Variants in NCAM2 observed in about 807,000 individuals in gnomAD.
The protein encoded by NCAM2 is N-CAM-2.
Under a neutral mutation model 98.1 loss-of-function variants are expected in NCAM2, and 30 were observed. The ratio of observed to expected loss-of-function variants is 0.31; its 90% confidence interval spans 0.23 to 0.41. NCAM2 has a LOEUF of 0.41. Ranked by LOEUF, NCAM2 falls within the 10% of genes least tolerant of loss-of-function variation. NCAM2 has a pLI of 1.00. For synonymous variants in NCAM2, 368 were observed against 342.4 expected, an observed-to-expected ratio of 1.07 and a Z score of -0.83; for missense variants, 867 against 1,005.8, an observed-to-expected ratio of 0.86 and a Z score of 1.87.
At chr21:21,230,770 G>A (rs922453479) in intron 1 of NCAM2, among the ~76,000 whole-genome samples, 10 of 151,230 alleles carry the variant, frequency 6.6e-5, no homozygotes, top group African/African-American at 1.2e-4. Context: ...TGAGTATTCC[G>A]TTTAAGGGCT....
intron 1 of NCAM2, among the ~76,000 whole-genome samples, chr21:21,052,592 C>A (rs924474759): frequency 6.6e-6 from 1 of 152,064 alleles, no homozygotes; most frequent in African/African-American, 2.4e-5. Context: ...CATTCAAAAT[C>A]ATCTCTTTCT....
At chr21:21,435,457 C>A (rs1978299519) in intron 12 of NCAM2, among the ~76,000 whole-genome samples, 1 of 152,070 alleles carries the variant, frequency 6.6e-6, no homozygotes, top group Admixed American at 6.6e-5. Flanking sequence ...GGAAGACTTA[C>A]TAGTTTCATC....
At chr21:21,083,732 C>A (rs535618027) in intron 1 of NCAM2, among the ~76,000 whole-genome samples, 1 of 152,120 alleles carries the variant, frequency 6.6e-6, no homozygotes, top group Non-Finnish European at 1.5e-5. Flanking sequence ...TTTTAAAATT[C>A]TATTTTTTGA....
intron 1 of NCAM2, among the ~76,000 whole-genome samples, chr21:21,085,504 G>A: frequency 6.6e-6 from 1 of 151,962 alleles, no homozygotes; most frequent in East Asian, 1.9e-4. Flanking sequence ...CTTCTCACTT[G>A]TCCAGCTGGG....
chr21:21,071,647 C>T (rs1281434368), intron 1 of NCAM2, among the ~76,000 whole-genome samples: 1 of 152,022 alleles, frequency 6.6e-6, no homozygotes, highest in Non-Finnish European at 1.5e-5. Context: ...ATAATTTATG[C>T]CATCCGTCAT....
At chr21:21,130,351 A>T (rs992120127) in intron 1 of NCAM2, among the ~76,000 whole-genome samples, 3 of 152,144 alleles carry the variant, frequency 2.0e-5, no homozygotes, top group Non-Finnish European at 2.9e-5. Context: ...AATGTAGTTA[A>T]TAAAATATTT....
At chr21:21,459,751 G>T (rs1056660577) in intron 12 of NCAM2, among the ~76,000 whole-genome samples, 3 of 151,532 alleles carry the variant, frequency 2.0e-5, no homozygotes, top group Non-Finnish European at 4.4e-5. Context: ...AAGAAATGTT[G>T]GTCAAGGGAT....
intron 1 of NCAM2, among the ~76,000 whole-genome samples, 196 bp from the exon 2 acceptor site, chr21:21,280,382 T>G (rs112566358): frequency 3.3e-5 from 5 of 152,312 alleles, no homozygotes; most frequent in African/African-American, 1.2e-4. Context: ...GTATTTAGTC[T>G]GATGGTTAAA....
chr21:21,385,403 C>T (rs2076248907), intron 9 of NCAM2, among the ~76,000 whole-genome samples: 1 of 148,018 alleles, frequency 6.8e-6, no homozygotes, highest in African/African-American at 2.5e-5. Context: ...CACACACGCA[C>T]ACACACATAC....
At chr21:21,098,357 C>T (rs539480929) in intron 1 of NCAM2, among the ~76,000 whole-genome samples, 6 of 151,650 alleles carry the variant, frequency 4.0e-5, no homozygotes, top group Non-Finnish European at 7.4e-5. Flanking sequence ...CCTATTAGAC[C>T]TTTTTTCTGT....
chr21:21,497,529 T>C (rs1046501034), intron 15 of NCAM2, among the ~76,000 whole-genome samples: 9 of 152,148 alleles, frequency 5.9e-5, no homozygotes, highest in Non-Finnish European at 5.9e-5. Flanking sequence ...CTTTTTACTG[T>C]TCCGAATCCC....
At chr21:21,334,164 C>T (rs980343965) in intron 6 of NCAM2, among the ~76,000 whole-genome samples, 4 of 151,998 alleles carry the variant, frequency 2.6e-5, no homozygotes, top group African/African-American at 4.8e-5. Context: ...AACTCCTAAC[C>T]TCAAGTGATC....
chr21:21,059,403 G>A (rs959710287), intron 1 of NCAM2, among the ~76,000 whole-genome samples: 3 of 152,040 alleles, frequency 2.0e-5, no homozygotes, highest in Non-Finnish European at 2.9e-5. Context: ...TGCAACTTTG[G>A]TTAGCTTAAT....
chr21:21,292,820 G>A (rs186452294), intron 5 of NCAM2, among the ~76,000 whole-genome samples: 4 of 151,840 alleles, frequency 2.6e-5, no homozygotes, highest in Admixed American at 2.6e-4. Context: ...TTTTCACACT[G>A]CTATAAAGAA....
At chr21:21,519,491 T>G (rs935524022) in intron 16 of NCAM2, among the ~76,000 whole-genome samples, 2 of 152,098 alleles carry the variant, frequency 1.3e-5, no homozygotes, top group African/African-American at 2.4e-5. Context: ...AATCAAAATG[T>G]ACCTTCATGA....
chr21:21,398,803 G>A (rs955505818), intron 9 of NCAM2, among the ~76,000 whole-genome samples: 1 of 152,118 alleles, frequency 6.6e-6, no homozygotes, highest in Non-Finnish European at 1.5e-5. Flanking sequence ...CTTTAGTGGT[G>A]AGAAATCAAT....
intron 16 of NCAM2, among the ~76,000 whole-genome samples, chr21:21,524,540 G>A (rs933055271): frequency 1.3e-5 from 2 of 151,084 alleles, no homozygotes; most frequent in South Asian, 2.1e-4. Flanking sequence ...CAAAAAAAAA[G>A]GGGGTGTGGG....
At chr21:21,506,719 G>A (rs760231164) in intron 15 of NCAM2, among the ~76,000 whole-genome samples, 4 of 151,946 alleles carry the variant, frequency 2.6e-5, no homozygotes, top group Non-Finnish European at 5.9e-5. Context: ...GAAAATTCCC[G>A]GATACTAGCT....
At chr21:21,165,813 A>G (rs1015810476) in intron 1 of NCAM2, among the ~76,000 whole-genome samples, 3 of 152,218 alleles carry the variant, frequency 2.0e-5, no homozygotes, top group African/African-American at 7.2e-5. Flanking sequence ...TGGCCCTTGT[A>G]CATATTCAGG....
Sources: allele counts gnomAD v4.1 joint callset (sites outside exome capture counted in the v4.1 genomes callset), GRCh38; gene constraint gnomAD v4.1.1; transcripts MANE v1.5; gene names NCBI Gene and HGNC (gene_info 2026-07-23, HGNC 2026-07-21).